The following PCDHA1 variants were observed in gnomAD, a reference collection of about 807,000 sequenced individuals.
The protein encoded by PCDHA1 is protocadherin alpha-1.
Under a neutral mutation model 61.3 loss-of-function variants are expected in PCDHA1, and 42 were observed. That is an observed-to-expected ratio of 0.69 (90% CI 0.54 to 0.89). The LOEUF (loss-of-function observed/expected upper bound fraction) is 0.89, where lower values mean the gene tolerates loss of function less well. Ranked by LOEUF, PCDHA1 falls within the 40% of genes least tolerant of loss-of-function variation. The pLI is 0.00. For synonymous variants in PCDHA1, 610 were observed against 553.8 expected, an observed-to-expected ratio of 1.10 and a Z score of -1.43; for missense variants, 1,256 against 1,235.3, an observed-to-expected ratio of 1.02 and a Z score of -0.25.
chr5:140,938,086 TTTA>T (rs1189650554), intron 1 of PCDHA1, among the ~76,000 whole-genome samples: 6 of 152,142 alleles, frequency 3.9e-5, no homozygotes, highest in African/African-American at 1.4e-4. Flanking sequence ...TAATGTTAGT[TTTA>T]TTATTGTATT....
chr5:140,911,473 T>C (rs2075497981), intron 1 of PCDHA1, among the ~76,000 whole-genome samples: 1 of 152,180 alleles, frequency 6.6e-6, no homozygotes, highest in Non-Finnish European at 1.5e-5. Flanking sequence ...GATAAGACTC[T>C]CACTCAGGGC....
intron 1 of PCDHA1, chr5:140,875,534 T>G (rs114654172): frequency 0.025 from 39,957 of 1,614,138 alleles, 601 homozygotes; most frequent in Non-Finnish European, 0.03. Flanking sequence ...CTTCTGCTCC[T>G]TGCAGCCTGG....
At chr5:140,927,782 C>T (rs550993125) in intron 1 of PCDHA1, 50 of 1,614,098 alleles carry the variant, frequency 3.1e-5, no homozygotes, top group South Asian at 2.2e-4. Context: ...CAAGTAGCTG[C>T]TTCACTAGGT....
At chr5:140,940,994 G>A (rs1375374431) in intron 1 of PCDHA1, among the ~76,000 whole-genome samples, 1 of 152,094 alleles carries the variant, frequency 6.6e-6, no homozygotes, top group Non-Finnish European at 1.5e-5. Context: ...AAGTTTATAG[G>A]ATTAAATTTT....
chr5:140,968,813 A>T, intron 1 of PCDHA1: 2 of 1,614,194 alleles, frequency 1.2e-6, no homozygotes, highest in Non-Finnish European at 1.7e-6. Context: ...TGTGGTGGAT[A>T]GGGTTTCCAA....
chr5:140,991,317 T>C (rs2097444971), intron 3 of PCDHA1, among the ~76,000 whole-genome samples: 1 of 152,208 alleles, frequency 6.6e-6, no homozygotes, highest in Admixed American at 6.5e-5. Flanking sequence ...TCCCGCATGA[T>C]ACATGAAGGG....
intron 1 of PCDHA1, chr5:140,875,915 T>C: frequency 6.2e-7 from 1 of 1,614,214 alleles, no homozygotes; most frequent in Non-Finnish European, 8.5e-7. Context: ...TCTGCGCCTC[T>C]GGACTCTCAT....
chr5:140,801,802 G>T lies in PCDHA1; in HGVS notation c.2394+13118G>T, dbSNP rs782120718. On this transcript the variant is annotated intron_variant, in intron 1 of 3. Coordinates refer to ENST00000504120, the MANE Select transcript of PCDHA1 (RefSeq NM_018900.4). Reference sequence around the variant, plus strand: ...CTCGTGTTGAAAAAAAATTTAAATCGAGAGGACACTCCTAAGCATTATTTA... The same window carrying T: ...CTCGTGTTGAAAAAAAATTTAAATCTAGAGGACACTCCTAAGCATTATTTA... 6.2e-7 allele frequency: 1 copy of T among 1,613,962 alleles called. No individual in the cohort carries two copies. The highest frequency in any genetic ancestry group is 8.5e-7 in the Non-Finnish European group (1 of 1,180,018).
intron 1 of PCDHA1, chr5:140,884,515 G>T: frequency 6.2e-6 from 10 of 1,614,176 alleles, no homozygotes; most frequent in South Asian, 1.1e-5. Context: ...GGAGTTGGTC[G>T]TACTCGCAGC....
intron 1 of PCDHA1, chr5:140,854,181 AGTT>A: frequency 2.3e-6 from 1 of 434,280 alleles, no homozygotes; most frequent in Non-Finnish European, 3.0e-6. Context: ...AAAAAAGAGT[AGTT>A]TAACTACTCC....
intron 1 of PCDHA1, chr5:140,828,787 G>T (rs1769950726): frequency 6.2e-7 from 1 of 1,614,216 alleles, no homozygotes; most frequent in Middle Eastern, 1.6e-4. Flanking sequence ...TGGTCACAGT[G>T]CTGGATGTGA....
intron 1 of PCDHA1, chr5:140,795,051 C>T (rs1554119230): frequency 6.2e-7 from 1 of 1,613,874 alleles, no homozygotes; most frequent in Non-Finnish European, 8.5e-7. Flanking sequence ...TGGGGAGCGG[C>T]CAGCTCCGCT....
intron 1 of PCDHA1, among the ~76,000 whole-genome samples, chr5:140,974,059 G>A (rs1233997260): frequency 6.6e-6 from 1 of 152,180 alleles, no homozygotes; most frequent in Non-Finnish European, 1.5e-5. Context: ...AATATTTGGA[G>A]CAGTATAATC....
intron 1 of PCDHA1, among the ~76,000 whole-genome samples, chr5:140,832,146 T>C (rs1554133466): frequency 6.6e-6 from 1 of 152,254 alleles, no homozygotes; most frequent in African/African-American, 2.4e-5. Flanking sequence ...AAAATTGAAT[T>C]AAGACTTGGA....
intron 1 of PCDHA1, chr5:140,797,565 G>T: frequency 1.5e-6 from 1 of 679,106 alleles, no homozygotes; most frequent in East Asian, 2.8e-5. Context: ...TTACATTTTG[G>T]CACTTCCATC....
intron 1 of PCDHA1, among the ~76,000 whole-genome samples, chr5:140,846,576 A>G (rs1780570619): frequency 6.7e-6 from 1 of 148,418 alleles, no homozygotes; most frequent in African/African-American, 2.5e-5. Context: ...GGGTTTCACC[A>G]TGTTAGCCAG....
chr5:140,831,691 CA>C (rs1278629646), intron 1 of PCDHA1, among the ~76,000 whole-genome samples: 1 of 152,020 alleles, frequency 6.6e-6, no homozygotes, highest in Non-Finnish European at 1.5e-5. Context: ...TGAAAAGCAG[CA>C]AAAAGTAGTG....
At chr5:140,897,993 A>G (rs2066447415) in intron 1 of PCDHA1, among the ~76,000 whole-genome samples, 1 of 152,184 alleles carries the variant, frequency 6.6e-6, no homozygotes, top group African/African-American at 2.4e-5. Flanking sequence ...TCTTCTTTTG[A>G]GAAGTGTCTG....
intron 1 of PCDHA1, among the ~76,000 whole-genome samples, chr5:140,799,713 T>C (rs1027977592): frequency 1.3e-5 from 2 of 152,142 alleles, no homozygotes; most frequent in African/African-American, 4.8e-5. Flanking sequence ...TCTGAGTAAG[T>C]TGCAGTCCTG....
Sources: gnomAD v4.1 joint callset for allele counts (sites outside exome capture counted in the v4.1 genomes callset) on GRCh38, gnomAD v4.1.1 for gene constraint, MANE v1.5 for transcripts, NCBI Gene and HGNC (gene_info 2026-07-23, HGNC 2026-07-21) for gene names.